CSTB: variants seen among roughly 807,000 people sequenced by gnomAD.
CSTB encodes the protein cystatin-B.
Under a neutral mutation model 7.6 loss-of-function variants are expected in CSTB, and 8 were observed. The ratio of observed to expected loss-of-function variants is 1.05; its 90% CI spans 0.62 to 1.89. CSTB has a LOEUF of 1.89. CSTB is among the 40% of genes most tolerant of loss of function. CSTB has a pLI of 0.00. For missense variants in CSTB, 124 were observed against 126.4 expected (o/e 0.98, Z 0.09); for synonymous variants, 56 against 55.3 (o/e 1.01, Z -0.06).
rs796052394 is a variant in CSTB at position 43,774,330 on chromosome 21, C to T, written c.169G>A (p.Val57Met). Residue 57 changes from valine to methionine, a missense_variant and splice_region_variant, in exon 3 of 3, where the codon GTG becomes ATG. Coordinates refer to ENST00000291568, the MANE Select transcript of CSTB (RefSeq NM_000100.4). Reference sequence around the variant, plus strand: ...ACGAAGTCCTCGTCGCCGACGTGCACCTGGGAAGAGAGCGGAGTGAGCGAA... The same window carrying T: ...ACGAAGTCCTCGTCGCCGACGTGCATCTGGGAAGAGAGCGGAGTGAGCGAA... ...VVAGTNYFIK[V>M]HVGDEDFVHL... 2 of 1,614,184 alleles carry T rather than the reference C, an allele frequency of 1.2e-6. No individual in the cohort carries two copies. The highest frequency in any genetic ancestry group is 1.7e-5 in the Admixed American group (1 of 60,032).
At position 43,775,885 on chromosome 21, in the gene CSTB, C is replaced by G. The variant is rs1234541816; in HGVS notation, c.66+319G>C. The G allele has an allele frequency of 1.3e-5, 4 of 297,602 alleles. No homozygotes were observed. In the East Asian group the frequency reaches 2.3e-4, roughly 17 times the overall value. The allele number at this position is 297,602 out of a possible 1,614,324, so 18.4% of individuals were successfully genotyped here. ...CCCGATCACCCTGCCTGCCTGAAAC[C>G]AGAAGCGCCTCATCCCTGGGGTTTC... On this transcript the variant is annotated intron_variant, in intron 1 of 2. Transcript: ENST00000291568.
rs1388604204 is a variant in CSTB, at chr21:43,776,299, G to C, written c.-30C>G. On this transcript the variant is annotated 5_prime_UTR_variant, in exon 1 of 3. Coordinates refer to ENST00000291568, the MANE Select transcript of CSTB (RefSeq NM_000100.4). ...GCGGCGACGGAGGGAATCTGGCGAG[G>C]GGACTCGGCGAGGGGACGCGGCGGC... 2 of 1,516,830 alleles carry C rather than the reference G, an allele frequency of 1.3e-6. No individual in the cohort carries two copies. Among genetic ancestry groups the C allele is most frequent in the African/African-American group, 1.4e-5 (1 of 70,272 alleles). The allele number at this position is 1,516,830 out of a possible 1,614,324, so 94.0% of individuals were successfully genotyped here.
At position 43,774,883 on chromosome 21, in the gene CSTB, T is replaced by C. The variant is rs1029566788; in HGVS notation, c.67-124A>G. On this transcript the variant is annotated intron_variant, in intron 1 of 2. Transcript: ENST00000291568. ...ACTGGCTCTTCACACAATTGTCTCTTACAACTGAAGGGACATTTAAACTGT... is the reference window on the plus strand; with the variant it reads ...ACTGGCTCTTCACACAATTGTCTCTCACAACTGAAGGGACATTTAAACTGT... 9.2e-6 allele frequency: 7 copies of C among 764,794 alleles called. No individual in the cohort carries two copies. The African/African-American group carries it at 1.2e-4, about 13-fold the overall frequency. The allele number at this position is 764,794 out of a possible 1,614,324, so 47.4% of individuals were successfully genotyped here.
intron 2 of CSTB, 108 bp downstream of exon 2, chr21:43,774,550 G>A (rs2084000755): frequency 8.6e-7 from 1 of 1,160,482 alleles, no homozygotes; most frequent in South Asian, 1.2e-5. Flanking sequence ...TATCTCAGGG[G>A]GCAGCCACAG....
chr21:43,776,291 CTGGCGAGGGGACT>C lies in CSTB; in HGVS notation c.-35_-23del. ...TCATCTTGGCGGCGACGGAGGGAAT[CTGGCGAGGGGACT>C]CGGCGAGGGGACGCGGCGGCTCCTC... is the stretch of plus-strand genomic sequence containing the variant. On this transcript the variant is annotated 5_prime_UTR_variant, in exon 1 of 3. Coordinates refer to ENST00000291568, the MANE Select transcript of CSTB (RefSeq NM_000100.4). 6.5e-7 allele frequency: 1 copy of C among 1,528,242 alleles called. No individual in the cohort carries two copies. Among genetic ancestry groups the C allele is most frequent in the South Asian group, 1.2e-5 (1 of 82,258 alleles). 94.7% of individuals were successfully genotyped at this position (1,528,242 alleles called of 1,614,324 possible).
chr21:43,776,296 G>A lies in CSTB; in HGVS notation c.-27C>T. ...TTGGCGGCGACGGAGGGAATCTGGC[G>A]AGGGGACTCGGCGAGGGGACGCGGC... is the stretch of plus-strand genomic sequence containing the variant. On this transcript the variant is annotated 5_prime_UTR_variant, in exon 1 of 3. Transcript: ENST00000291568. 1 of 1,521,474 alleles carries A rather than the reference G, an allele frequency of 6.6e-7. No individual in the cohort carries two copies. Among genetic ancestry groups the A allele is most frequent in the Non-Finnish European group, 8.8e-7 (1 of 1,134,754 alleles). The allele number at this position is 1,521,474 out of a possible 1,614,324, so 94.2% of individuals were successfully genotyped here. A position where few individuals can be genotyped will look rare whatever the true frequency, so the allele number is the denominator to read the frequency against.
At chr21:43,776,022 G>A (rs2084008116) in intron 1 of CSTB, 182 bp downstream of exon 1, 1 of 503,878 alleles carries the variant, frequency 2.0e-6, no homozygotes, top group Non-Finnish European at 3.4e-6. Context: ...CCCCAGGCGC[G>A]GCCCCCCGCT....
In CSTB at chr21:43,774,724, C is replaced by G; in HGVS notation, c.102G>C (p.Lys34Asn). ...RSQLEEKENK[K>N]FPVFKAVSFK... ...ATGACACGGCCTTAAACACAGGGAACTTCTTGTTTTCTTTCTCTTCAAGCT... is the reference window on the plus strand; with the variant it reads ...ATGACACGGCCTTAAACACAGGGAAGTTCTTGTTTTCTTTCTCTTCAAGCT... Residue 34 changes from lysine to asparagine, a missense_variant, in exon 2 of 3, where the codon AAG (lysine) becomes AAC (asparagine). By Grantham distance (94) the Lys-to-Asn change is moderately conservative. Transcript: ENST00000291568. The G allele has an allele frequency of 6.2e-7, 1 of 1,614,168 alleles. No individual in the cohort carries two copies. The highest frequency in any genetic ancestry group is 8.5e-7 in the Non-Finnish European group (1 of 1,180,016).
At chr21:43,774,932 A>G in intron 1 of CSTB, 173 bp from the exon 2 acceptor site, 2 of 679,200 alleles carry the variant, frequency 2.9e-6, no homozygotes, top group East Asian at 5.4e-5. Context: ...AAGTAGAAAA[A>G]AACAGTTCCA....
chr21:43,775,846 C>T (rs551730469), intron 1 of CSTB: 1 of 236,132 alleles, frequency 4.2e-6, no homozygotes, highest in East Asian at 8.8e-5. Flanking sequence ...TCACCTGCGC[C>T]ATCGCCGGCG....
rs758734018 is a variant in CSTB, at chr21:43,774,175, G to A, written c.*27C>T. 1 of 1,614,132 alleles carries A rather than the reference G, an allele frequency of 6.2e-7. No individual in the cohort carries two copies. The highest frequency in any genetic ancestry group is 8.5e-7 in the Non-Finnish European group (1 of 1,179,966). ...GGAGGATGACTTTGTCAGTCTTCTG[G>A]CTGAAGGGCCTTGTCCAAAGTCAGG... On this transcript the variant is annotated 3_prime_UTR_variant, in exon 3 of 3. Transcript: ENST00000291568.
chr21:43,775,043 C>G, intron 1 of CSTB: 1 of 459,000 alleles, frequency 2.2e-6, no homozygotes, highest in Non-Finnish European at 4.0e-6. Flanking sequence ...AGCCAAATGG[C>G]AAAACCCCGT....
chr21:43,774,921 A>T, intron 1 of CSTB, 162 bp from the exon 2 acceptor site: 1 of 692,248 alleles, frequency 1.4e-6, no homozygotes, highest in Non-Finnish European at 2.6e-6. Context: ...GCCTAATAAT[A>T]AAGTAGAAAA....
chr21:43,774,039 T>C lies in CSTB; in HGVS notation c.*163A>G, dbSNP rs1168878991. Reference sequence around the variant, plus strand: ...AAGGAAAGAAATCAACACAATGAAATTTAGGAAGAGAAATGCAAAAGCAGC... The same window carrying C: ...AAGGAAAGAAATCAACACAATGAAACTTAGGAAGAGAAATGCAAAAGCAGC... On this transcript the variant is annotated 3_prime_UTR_variant, in exon 3 of 3. Coordinates refer to ENST00000291568, the MANE Select transcript of CSTB (RefSeq NM_000100.4). 20 of 776,788 alleles carry C rather than the reference T, an allele frequency of 2.6e-5. No individual in the cohort carries two copies. Among genetic ancestry groups the C allele is most frequent in the South Asian group, 1.2e-4 (8 of 64,728 alleles). 48.1% of individuals were successfully genotyped at this position (776,788 alleles called of 1,614,324 possible).
intron 1 of CSTB, chr21:43,775,992 C>T (rs2123387529): frequency 6.3e-6 from 3 of 477,866 alleles, no homozygotes; most frequent in East Asian, 7.4e-5. Flanking sequence ...TCAGCGGAGC[C>T]CAATGTCTCC....
intron 1 of CSTB, chr21:43,775,002 T>C (rs1413336161): frequency 7.4e-6 from 4 of 542,750 alleles, no homozygotes; most frequent in Non-Finnish European, 1.0e-5. Flanking sequence ...GGTGGGCGGA[T>C]CACTTGAGGT....
rs1466237377 is a variant in CSTB, at chr21:43,773,993, T to A, written c.*209A>T. ...ATCTATTTTGAAAATATTCTGAAAG[T>A]AATTAAGATCACCTATTGGGAAGGA... On this transcript the variant is annotated 3_prime_UTR_variant, in exon 3 of 3. Transcript: ENST00000291568. 22 of 621,538 alleles carry A rather than the reference T, an allele frequency of 3.5e-5. No individual in the cohort carries two copies. Among genetic ancestry groups the A allele is most frequent in the Non-Finnish European group, 5.7e-5 (20 of 350,830 alleles). 38.5% of individuals were successfully genotyped at this position (621,538 alleles called of 1,614,324 possible).
rs1265973427 is a variant in CSTB, at chr21:43,776,273, G to A, written c.-4C>T. 1.3e-6 allele frequency: 2 copies of A among 1,529,306 alleles called. No individual in the cohort carries two copies. The highest frequency in any genetic ancestry group is 5.0e-5 in the East Asian group (2 of 39,634). The allele number at this position is 1,529,306 out of a possible 1,614,324, so 94.7% of individuals were successfully genotyped here. A position where few individuals can be genotyped will look rare whatever the true frequency, so the allele number is the denominator to read the frequency against. Reference sequence around the variant, plus strand: ...CGGAGGGCGCCCCGCACATCATCTTGGCGGCGACGGAGGGAATCTGGCGAG... The same window carrying A: ...CGGAGGGCGCCCCGCACATCATCTTAGCGGCGACGGAGGGAATCTGGCGAG... On this transcript the variant is annotated 5_prime_UTR_variant, in exon 1 of 3. Transcript: ENST00000291568.
chr21:43,774,344 G>C lies in CSTB; in HGVS notation c.169-14C>G. ...GCCGACGTGCACCTGGGAAGAGAGC[G>C]GAGTGAGCGAAGCCTCTGATCCCAA... On this transcript the variant is annotated splice_polypyrimidine_tract_variant and intron_variant, in intron 2 of 2. Transcript: ENST00000291568. 2 of 1,614,112 alleles carry C rather than the reference G, an allele frequency of 1.2e-6. No homozygotes were observed. Among genetic ancestry groups the C allele is most frequent in the Non-Finnish European group, 1.7e-6 (2 of 1,180,030 alleles).
Sources: gnomAD v4.1 joint callset for allele counts on GRCh38, gnomAD v4.1.1 for gene constraint, MANE v1.5 for transcripts, NCBI Gene and HGNC (gene_info 2026-07-23, HGNC 2026-07-21) for gene names.